Variants in LAMA3 observed in about 807,000 individuals in gnomAD.
LAMA3 encodes the protein laminin subunit alpha 3, also known as laminin subunit alpha-3.
A neutral mutation model predicts 402.0 loss-of-function variants in LAMA3; 281 were observed. That is an observed-to-expected ratio of 0.70 (90% CI 0.63 to 0.77). The LOEUF (loss-of-function observed/expected upper bound fraction) is 0.77. LAMA3 is among the 30% of genes least tolerant of loss of function. The pLI, the probability that LAMA3 is intolerant of heterozygous loss-of-function variation, is 0.00. For missense variants in LAMA3, 3,840 were observed against 4,215.5 expected, an observed-to-expected ratio of 0.91 and a Z score of 2.47; for synonymous variants, 1,431 against 1,558.4, an observed-to-expected ratio of 0.92 and a Z score of 1.93.
chr18:23,906,449 A>G (rs1392802858), intron 52 of LAMA3, among the ~76,000 whole-genome samples: 1 of 152,104 alleles, frequency 6.6e-6, no homozygotes, highest in Non-Finnish European at 1.5e-5. Context: ...TATTTTTTTA[A>G]ATAATTAAAC....
intron 10 of LAMA3, among the ~76,000 whole-genome samples, chr18:23,776,679 A>T (rs939367003): frequency 1.6e-4 from 25 of 152,222 alleles, no homozygotes; most frequent in Middle Eastern, 3.4e-3. Context: ...ACTCACATGA[A>T]TGGGTAACTA....
At chr18:23,903,834 G>T in intron 49 of LAMA3, 99 bp from the exon 50 acceptor site, 1 of 990,266 alleles carries the variant, frequency 1.0e-6, no homozygotes, top group South Asian at 1.3e-5. Flanking sequence ...ACATCTCATT[G>T]TTGCCCCAGA....
intron 11 of LAMA3, chr18:23,781,166 A>T (rs2143966329): frequency 2.9e-6 from 1 of 349,226 alleles, no homozygotes; most frequent in Non-Finnish European, 5.8e-6. Flanking sequence ...TTTTTCACTG[A>T]ATCTCAATAC....
chr18:23,713,449 C>T (rs1202372174), intron 1 of LAMA3, among the ~76,000 whole-genome samples: 1 of 152,214 alleles, frequency 6.6e-6, no homozygotes, highest in Non-Finnish European at 1.5e-5. Flanking sequence ...ACTTGCTGTA[C>T]ACCCCTTCCC....
intron 39 of LAMA3, 68 bp downstream of exon 39, chr18:23,876,475 C>T (rs1568285595): frequency 9.7e-7 from 1 of 1,025,672 alleles, no homozygotes; most frequent in East Asian, 2.4e-5. Context: ...CTGTACTATG[C>T]CCAAAGACAT....
intron 2 of LAMA3, among the ~76,000 whole-genome samples, chr18:23,718,331 G>A (rs1319173548): frequency 6.6e-6 from 1 of 152,202 alleles, no homozygotes; most frequent in African/African-American, 2.4e-5. Flanking sequence ...AACATGAGGA[G>A]GTGGGTGCGG....
rs1415727909 is a variant in LAMA3 at position 23,751,070 on chromosome 18, T to A, written c.837T>A (p.Asp279Glu). Residue 279 changes from aspartate (D) to glutamate (E), a missense_variant, in exon 5 of 75, where the codon GAT becomes GAA. Asp to Glu is a conservative substitution (Grantham distance 45). Around this residue, in one of 3 missense-constraint regions of LAMA3, gnomAD observed 2,109 missense variants for 2,376.0 expected, o/e 0.89. Coordinates refer to ENST00000313654, the MANE Select transcript of LAMA3 (RefSeq NM_198129.4). Reference sequence around the variant, plus strand: ...ACCTCATCTCCAAAGCCCAGCGAGATCCAACTGTCACTCGGCGGGTGAGTA... The same window carrying A: ...ACCTCATCTCCAAAGCCCAGCGAGAACCAACTGTCACTCGGCGGGTGAGTA... Reference protein sequence around the residue: ...LGHLISKAQRDPTVTRRYYYS... With the variant: ...LGHLISKAQREPTVTRRYYYS... 9.3e-6 allele frequency: 15 copies of A among 1,614,044 alleles called. No individual in the cohort carries two copies. Among genetic ancestry groups the A allele is most frequent in the Non-Finnish European group, 1.3e-5 (15 of 1,180,002 alleles).
intron 35 of LAMA3, among the ~76,000 whole-genome samples, chr18:23,864,025 T>C (rs777410579): frequency 2.4e-4 from 37 of 152,278 alleles, no homozygotes; most frequent in South Asian, 1.2e-3. Flanking sequence ...TCAGGAGAAT[T>C]GTTTTTGGAG....
chr18:23,730,368 CTTTTTTTT>C (rs11362144), intron 2 of LAMA3, among the ~76,000 whole-genome samples: 1 of 118,652 alleles, frequency 8.4e-6, no homozygotes, highest in Non-Finnish European at 1.9e-5. Context: ...CTTTTTCTTT[CTTTTTTTT>C]TTTTTTTTTT....
At chr18:23,791,649 G>C (rs764648060) in intron 12 of LAMA3, among the ~76,000 whole-genome samples, 3 of 150,062 alleles carry the variant, frequency 2.0e-5, no homozygotes, top group Non-Finnish European at 4.4e-5. Context: ...TGGGAAAATC[G>C]CTTGAATCTG....
At chr18:23,866,663 C>T (rs565530693) in intron 36 of LAMA3, among the ~76,000 whole-genome samples, 22 of 152,286 alleles carry the variant, frequency 1.4e-4, no homozygotes, top group African/African-American at 5.1e-4. Context: ...GTTTATTGTG[C>T]AAACCATTAG....
chr18:23,877,824 T>C (rs2064771387), intron 39 of LAMA3, among the ~76,000 whole-genome samples: 1 of 152,124 alleles, frequency 6.6e-6, no homozygotes, highest in African/African-American at 2.4e-5. Flanking sequence ...TAAGAATAAA[T>C]ACGTTGGCCG....
chr18:23,912,966 C>A, intron 56 of LAMA3, 85 bp downstream of exon 56: 1 of 1,231,540 alleles, frequency 8.1e-7, no homozygotes, highest in Non-Finnish European at 1.2e-6. Context: ...ACGGCTGCAT[C>A]ACTGCCATTA....
rs1342154638 is a variant in LAMA3 at position 23,717,719 on chromosome 18, AATTT to A, written c.447+3648_447+3651del. ...AGGTGCCCACCACCATGCCTGGCTA[AATTT>A]TTTTTTTTTTTTTTTTTTTTTTTTT... On this transcript the variant is annotated intron_variant, in intron 2 of 74. Transcript: ENST00000313654. 2.6e-3 allele frequency among the ~76,000 whole-genome samples: 301 copies of A among 116,784 alleles called. 21 individuals are homozygous for A. The highest frequency in any genetic ancestry group is 0.011 in the African/African-American group (283 of 25,666). The allele number at this position is 116,784 out of a possible 152,430, so 76.6% of individuals were successfully genotyped here.
At chr18:23,784,237 C>T in intron 12 of LAMA3, 80 bp downstream of exon 12, 2 of 1,551,006 alleles carry the variant, frequency 1.3e-6, no homozygotes, top group Non-Finnish European at 1.8e-6. Context: ...ATCTTTCTGG[C>T]AGAGCTGTCT....
chr18:23,760,109 G>A (rs1452144256), intron 7 of LAMA3, among the ~76,000 whole-genome samples: 1 of 152,004 alleles, frequency 6.6e-6, no homozygotes, highest in African/African-American at 2.4e-5. Context: ...CCAGACTAAT[G>A]GAACCCTTTG....
rs35969367 is a variant in LAMA3 at position 23,900,070 on chromosome 18, C to CGTGTGT, written c.6004+626_6004+631dup. ...ATGAAATGAACTTTGTGTGTGTGTGCGTGTGTGTGTGTGTGTATGTGACAG... is the reference window on the plus strand; with the variant it reads ...ATGAAATGAACTTTGTGTGTGTGTGCGTGTGTGTGTGTGTGTGTGTGTATGTGACAG... On this transcript the variant is annotated intron_variant, in intron 47 of 74. Coordinates refer to ENST00000313654, the MANE Select transcript of LAMA3 (RefSeq NM_198129.4). Among the ~76,000 whole-genome samples, 120 of 150,732 alleles carry CGTGTGT rather than the reference C, an allele frequency of 8.0e-4. 1 individual carries two copies. The highest frequency in any genetic ancestry group is 1.8e-3 in the Admixed American group (28 of 15,166).
At position 23,894,334 on chromosome 18, in the gene LAMA3, C is replaced by A; in HGVS notation, c.5447C>A (p.Ala1816Glu). ...CAAGAACCCAAAGATAGCAGCCCTG[C>A]AGAAGAATGTGATGGTGAGAAAAGA... is the stretch of plus-strand genomic sequence containing the variant. ...INQEPKDSSP[A>E]EECDDCDSCV... The change falls in exon 43 of 75, where the codon GCA becomes GAA. Residue 1816 changes from alanine (A) to glutamate (E), a missense_variant. By Grantham distance (107) the Ala-to-Glu change is moderately radical (BLOSUM62 -1). This residue lies in a region of LAMA3 where 2,109 missense variants were observed against 2,376.0 expected (regional missense o/e 0.89). Coordinates refer to ENST00000313654, the MANE Select transcript of LAMA3 (RefSeq NM_198129.4). 2 of 1,613,500 alleles carry A rather than the reference C, an allele frequency of 1.2e-6. No individual in the cohort carries two copies. Among genetic ancestry groups the A allele is most frequent in the South Asian group, 1.1e-5 (1 of 91,072 alleles).
chr18:23,925,937 G>A (rs9955504), intron 62 of LAMA3, among the ~76,000 whole-genome samples: 104 of 152,348 alleles, frequency 6.8e-4, no homozygotes, highest in African/African-American at 2.5e-3. Context: ...CACACTGACA[G>A]TACAGACCCC....
Sources: gnomAD v4.1 joint callset for allele counts (sites outside exome capture counted in the v4.1 genomes callset) on GRCh38, gnomAD v4.1.1 for gene constraint, gnomAD v4.1.1 regional missense constraint, MANE v1.5 for transcripts, NCBI Gene and HGNC (gene_info 2026-07-23, HGNC 2026-07-21) for gene names.